MYO3A: variants seen among roughly 807,000 people sequenced by gnomAD.
MYO3A encodes the protein myosin IIIA, also known as myosin-IIIa.
Under a neutral mutation model 192.7 loss-of-function variants are expected in MYO3A, and 180 were observed. The ratio of observed to expected loss-of-function variants is 0.93; its 90% CI spans 0.83 to 1.06. MYO3A has a LOEUF of 1.06. Among genes scored for constraint, MYO3A ranks in the 50% least tolerant of loss-of-function variants. The pLI, the probability that MYO3A is intolerant of heterozygous loss-of-function variation, is 0.00. For missense variants in MYO3A, 1,896 were observed against 1,905.0 expected, an observed-to-expected ratio of 1.00 and a Z score of 0.09; for synonymous variants, 628 against 645.3, an observed-to-expected ratio of 0.97 and a Z score of 0.41.
intron 34 of MYO3A, 125 bp from the exon 35 acceptor site, chr10:26,211,718 G>T: frequency 4.0e-5 from 56 of 1,401,110 alleles, no homozygotes; most frequent in Non-Finnish European, 4.8e-5. Context: ...TTTCGATTGT[G>T]CCTTTCCTAA....
chr10:25,941,959 C>T (rs544396048), intron 2 of MYO3A, among the ~76,000 whole-genome samples: 4 of 151,528 alleles, frequency 2.6e-5, no homozygotes, highest in Admixed American at 2.6e-4. Context: ...CTTTTTAAGG[C>T]TGAATAATAT....
chr10:25,976,222 G>T (rs576708850), intron 4 of MYO3A, among the ~76,000 whole-genome samples: 31 of 152,266 alleles, frequency 2.0e-4, no homozygotes, highest in African/African-American at 7.2e-4. Context: ...CCTACCACAT[G>T]ATCCAGAAGT....
At chr10:26,184,394 A>G (rs1337082812) in intron 31 of MYO3A, among the ~76,000 whole-genome samples, 1 of 152,242 alleles carries the variant, frequency 6.6e-6, no homozygotes, top group Non-Finnish European at 1.5e-5. Context: ...ACAAAAACTG[A>G]AAAGTTGATT....
intron 6 of MYO3A, among the ~76,000 whole-genome samples, chr10:26,014,226 A>G (rs889492463): frequency 1.3e-5 from 2 of 152,160 alleles, no homozygotes; most frequent in Non-Finnish European, 2.9e-5. Context: ...CTACCACTGT[A>G]TAATTCATTC....
chr10:26,200,215 A>G (rs1340665377), intron 32 of MYO3A, among the ~76,000 whole-genome samples: 5 of 152,216 alleles, frequency 3.3e-5, no homozygotes, highest in Non-Finnish European at 7.3e-5. Flanking sequence ...AAAAGAAACC[A>G]TGAACTGTTT....
chr10:26,203,141 A>G (rs1589123571), intron 34 of MYO3A, 34 bp downstream of exon 34: 5 of 1,599,236 alleles, frequency 3.1e-6, no homozygotes, highest in Non-Finnish European at 4.3e-6. Context: ...CATCATTTGC[A>G]GTTTTATACT....
chr10:26,208,938 C>T (rs1340514677), intron 34 of MYO3A, among the ~76,000 whole-genome samples: 6 of 152,130 alleles, frequency 3.9e-5, no homozygotes, highest in Non-Finnish European at 5.9e-5. Context: ...ACAATTTAAT[C>T]CCACTTAAAA....
In MYO3A at chr10:26,154,748, C is replaced by A; in HGVS notation, c.2718C>A (p.Gly906=). ...ACTGTCTTCCTTGGTCTCCTTAGGG[C>A]GACACTGGAGAAGCCACACGTCATG... is the stretch of plus-strand genomic sequence containing the variant. ...TSEKLINLAK[G]DTGEATRHAR... Residue 906 remains glycine, a splice_region_variant and synonymous_variant, in exon 25 of 35, where the codon GGC becomes GGA. Transcript: ENST00000642920. 7 of 1,613,312 alleles carry A rather than the reference C, an allele frequency of 4.3e-6. No individual in the cohort carries two copies. The highest frequency in any genetic ancestry group is 5.1e-6 in the Non-Finnish European group (6 of 1,179,532).
Position 26,016,904 on chromosome 10 carries a change from A to AT in MYO3A, c.585+8_585+9insT, listed in dbSNP as rs1375115560. ...TTTTGGATGGCTCCTGAGGTCAGATAGAGTTTTGAGGCAGACAAACGTAAT... is the reference window on the plus strand; with the variant it reads ...TTTTGGATGGCTCCTGAGGTCAGATATGAGTTTTGAGGCAGACAAACGTAAT... On this transcript the variant is annotated intron_variant, in intron 7 of 34. Transcript: ENST00000642920. 2 of 1,613,466 alleles carry AT rather than the reference A, an allele frequency of 1.2e-6. No homozygotes were observed. The highest frequency in any genetic ancestry group is 1.7e-6 in the Non-Finnish European group (2 of 1,179,370).
intron 6 of MYO3A, among the ~76,000 whole-genome samples, chr10:26,008,802 T>C (rs968517655): frequency 7.8e-4 from 119 of 152,062 alleles, no homozygotes; most frequent in African/African-American, 2.7e-3. Context: ...AGTTCAACCA[T>C]TGTGGAAGTC....
chr10:26,101,327 T>C (rs1282143425), intron 17 of MYO3A, among the ~76,000 whole-genome samples: 1 of 152,216 alleles, frequency 6.6e-6, no homozygotes, highest in Non-Finnish European at 1.5e-5. Context: ...TACAGCACAC[T>C]GATGGGTCTT....
rs1840329425 is a variant in MYO3A, at chr10:25,995,002, C to CT, written c.304-1487dup. On this transcript the variant is annotated intron_variant, in intron 4 of 34. Transcript: ENST00000642920. ...AATTATGTGTCTTGGAGTTGCTCTTCTCGAGGAGTATCTTTGTGGCGTTCT... is the reference window on the plus strand; with the variant it reads ...AATTATGTGTCTTGGAGTTGCTCTTCTTCGAGGAGTATCTTTGTGGCGTTCT... Among the ~76,000 whole-genome samples the CT allele has an allele frequency of 5.9e-5, 9 of 152,282 alleles. No homozygotes were observed. The South Asian group carries it at 1.9e-3, about 32-fold the overall frequency.
chr10:26,019,669 T>C (rs539782489), intron 7 of MYO3A, among the ~76,000 whole-genome samples: 1 of 152,346 alleles, frequency 6.6e-6, no homozygotes, highest in African/African-American at 2.4e-5. Context: ...GTCTGGCTTC[T>C]TTTACCTAGT....
chr10:26,075,573 C>CATAT (rs35076350), intron 14 of MYO3A, among the ~76,000 whole-genome samples: 4 of 140,748 alleles, frequency 2.8e-5, no homozygotes, highest in African/African-American at 1.0e-4. Flanking sequence ...AATAGTCTCT[C>CATAT]ATATATATAT....
chr10:26,131,238 T>A (rs929006326), intron 20 of MYO3A, among the ~76,000 whole-genome samples: 7 of 152,210 alleles, frequency 4.6e-5, no homozygotes, highest in African/African-American at 7.2e-5. Flanking sequence ...AGTGTATTTG[T>A]AATAGACAGT....
chr10:25,976,839 T>C (rs752184927), intron 4 of MYO3A, among the ~76,000 whole-genome samples: 8 of 152,186 alleles, frequency 5.3e-5, no homozygotes, highest in Non-Finnish European at 7.4e-5. Context: ...AAAAATTGCA[T>C]AGGCTAAATA....
chr10:26,149,234 T>C (rs1840647638), intron 23 of MYO3A, among the ~76,000 whole-genome samples: 1 of 152,090 alleles, frequency 6.6e-6, no homozygotes, highest in African/African-American at 2.4e-5. Flanking sequence ...TGTTTGTTTT[T>C]GTTTTTCATG....
intron 10 of MYO3A, among the ~76,000 whole-genome samples, chr10:26,059,485 T>G (rs1399001909): frequency 1.3e-5 from 2 of 152,206 alleles, no homozygotes; most frequent in African/African-American, 4.8e-5. Flanking sequence ...TGAAATATAT[T>G]AATTTATTTC....
rs149992519 is a variant in MYO3A, at chr10:26,173,794, A to G, written c.3530A>G (p.Asn1177Ser). Residue 1177 changes from asparagine (N) to serine (S), a missense_variant, in exon 30 of 35, where the codon AAT becomes AGT. Transcript: ENST00000642920. ...TTCAAACCTGAAGAGGAAACCACCAATGCTGTGGAGAGTAACAACAGAGTG... is the reference window on the plus strand; with the variant it reads ...TTCAAACCTGAAGAGGAAACCACCAGTGCTGTGGAGAGTAACAACAGAGTG... ...STFKPEEETTNAVESNNRVYQ... is the reference protein window; with the variant it reads ...STFKPEEETTSAVESNNRVYQ... The G allele has an allele frequency of 9.3e-6, 15 of 1,614,030 alleles. No individual in the cohort carries two copies. Among genetic ancestry groups the G allele is most frequent in the Middle Eastern group, 1.6e-4 (1 of 6,084 alleles).
Sources: allele counts gnomAD v4.1 joint callset (sites outside exome capture counted in the v4.1 genomes callset), GRCh38; gene constraint gnomAD v4.1.1; transcripts MANE v1.5; gene names NCBI Gene and HGNC (gene_info 2026-07-23, HGNC 2026-07-21).